PHF21A: variants seen among roughly 807,000 people sequenced by gnomAD.
PHF21A encodes PHD finger protein 21A.
A neutral mutation model predicts 82.5 loss-of-function variants in PHF21A; 11 were observed. The observed-to-expected ratio is 0.13, with a 90% CI of 0.08 to 0.22. The LOEUF (loss-of-function observed/expected upper bound fraction) is 0.22. PHF21A is among the 10% of genes least tolerant of loss of function. The pLI, the probability that PHF21A is intolerant of heterozygous loss-of-function variation, is 1.00. For synonymous variants in PHF21A, 297 were observed against 302.8 expected (o/e 0.98, Z 0.20); for missense variants, 579 against 837.8 (o/e 0.69, Z 3.81).
At chr11:45,935,367 C>A in intron 18 of PHF21A, 2 of 827,040 alleles carry the variant, frequency 2.4e-6, no homozygotes, top group Non-Finnish European at 1.8e-6. Context: ...GTAGCTGTTA[C>A]TTATTCAGCC....
chr11:45,947,099 T>G (rs921657064), intron 14 of PHF21A, among the ~76,000 whole-genome samples: 1 of 152,204 alleles, frequency 6.6e-6, no homozygotes, highest in African/African-American at 2.4e-5. Context: ...GGCCCTCCCA[T>G]CAGCACTCCT....
In PHF21A at chr11:45,964,291, A is replaced by G. The variant is rs1196098932; in HGVS notation, c.996+1024T>C. Among the ~76,000 whole-genome samples the G allele has an allele frequency of 2.0e-5, 3 of 151,720 alleles. No homozygotes were observed. The East Asian group carries it at 5.8e-4, about 29-fold the overall frequency. ...CTGGGGTTTGAATAGGTTCCCCAGGAATTGAGATGTGTTCTTGTGTTTCCT... is the reference window on the plus strand; with the variant it reads ...CTGGGGTTTGAATAGGTTCCCCAGGGATTGAGATGTGTTCTTGTGTTTCCT... On this transcript the variant is annotated intron_variant, in intron 10 of 18. Transcript: ENST00000676320.
chr11:46,026,164 G>A (rs778012953), intron 6 of PHF21A, among the ~76,000 whole-genome samples: 6 of 152,014 alleles, frequency 3.9e-5, no homozygotes, highest in East Asian at 1.9e-4. Context: ...CCAAAACTTC[G>A]TTATATTTGG....
At chr11:46,001,305 CTCTAAGATGT>C (rs1245969279) in intron 6 of PHF21A, among the ~76,000 whole-genome samples, 1 of 150,782 alleles carries the variant, frequency 6.6e-6, no homozygotes, top group Non-Finnish European at 1.5e-5. Context: ...GGAAATGGGG[CTCTAAGATGT>C]TCTGTCACCA....
chr11:46,082,269 C>A (rs1374591093), intron 4 of PHF21A, among the ~76,000 whole-genome samples: 1 of 152,170 alleles, frequency 6.6e-6, no homozygotes, highest in Non-Finnish European at 1.5e-5. Flanking sequence ...ATCTCATTCC[C>A]TAACTGGAAA....
At chr11:46,029,071 A>G (rs183842706) in intron 6 of PHF21A, among the ~76,000 whole-genome samples, 70 of 152,354 alleles carry the variant, frequency 4.6e-4, no homozygotes, top group Non-Finnish European at 8.4e-4. Context: ...TCAAAACAAA[A>G]TGTAGCTTGC....
intron 1 of PHF21A, among the ~76,000 whole-genome samples, chr11:46,094,091 T>C (rs574189166): frequency 4.6e-5 from 7 of 152,286 alleles, no homozygotes; most frequent in East Asian, 3.9e-4. Context: ...ATAAAATATG[T>C]TGAAATTCAA....
intron 10 of PHF21A, among the ~76,000 whole-genome samples, chr11:45,961,200 TCC>T (rs1263158242): frequency 6.6e-6 from 1 of 152,222 alleles, no homozygotes; most frequent in Non-Finnish European, 1.5e-5. Flanking sequence ...AATTTGCAAC[TCC>T]TGTTCTTTTT....
At chr11:46,112,126 A>T (rs985436592) in intron 1 of PHF21A, among the ~76,000 whole-genome samples, 2 of 152,208 alleles carry the variant, frequency 1.3e-5, no homozygotes, top group African/African-American at 2.4e-5. Context: ...ACTAGTCAAA[A>T]TATTCAGTTA....
intron 13 of PHF21A, 133 bp downstream of exon 13, chr11:45,949,269 A>G (rs1037173369): frequency 1.3e-6 from 1 of 763,498 alleles, no homozygotes; most frequent in Non-Finnish European, 2.2e-6. Flanking sequence ...GTCAAAAAAA[A>G]TCTACCACTT....
In PHF21A at chr11:46,051,919, T is replaced by C. The variant is rs549364408; in HGVS notation, c.153+24835A>G. Among the ~76,000 whole-genome samples, 5 of 152,286 alleles carry C rather than the reference T, an allele frequency of 3.3e-5. No homozygotes were observed. The East Asian group carries it at 5.8e-4, about 18-fold the overall frequency. On this transcript the variant is annotated intron_variant, in intron 6 of 18. Transcript: ENST00000676320. ...TTGGAACAGTTAAAATATCCAAAAA[T>C]AGCTTTTCTATCAAGCCTTCTTTCC...
chr11:45,978,729 T>C (rs2094153360), intron 7 of PHF21A, among the ~76,000 whole-genome samples: 1 of 152,232 alleles, frequency 6.6e-6, no homozygotes. Context: ...TAAAGGGATC[T>C]GTGACCTTCA....
chr11:45,966,669 G>C (rs900631589), intron 9 of PHF21A, among the ~76,000 whole-genome samples: 3 of 152,124 alleles, frequency 2.0e-5, no homozygotes, highest in African/African-American at 7.2e-5. Flanking sequence ...TGCCAGGCTG[G>C]AGTGCAGTGG....
intron 17 of PHF21A, among the ~76,000 whole-genome samples, chr11:45,935,976 T>C (rs2088899804): frequency 6.6e-6 from 1 of 152,154 alleles, no homozygotes; most frequent in Non-Finnish European, 1.5e-5. Flanking sequence ...TCTCATTTTC[T>C]TCCCCCAAGA....
chr11:46,016,709 G>T (rs2095524230), intron 6 of PHF21A, among the ~76,000 whole-genome samples: 1 of 151,968 alleles, frequency 6.6e-6, no homozygotes, highest in Non-Finnish European at 1.5e-5. Context: ...AGCACCTTAA[G>T]AACATGGGGA....
At chr11:45,976,293 T>C (rs901861837) in intron 7 of PHF21A, among the ~76,000 whole-genome samples, 1 of 152,216 alleles carries the variant, frequency 6.6e-6, no homozygotes, top group African/African-American at 2.4e-5. Context: ...AAGTACTTTC[T>C]GATCCCTCTA....
intron 8 of PHF21A, chr11:45,970,821 C>T (rs1053803055): frequency 5.9e-6 from 2 of 338,980 alleles, no homozygotes; most frequent in Non-Finnish European, 1.1e-5. Flanking sequence ...GAGAGGGAGA[C>T]ATAAATGAAA....
At chr11:46,049,877 TA>T (rs1240705430) in intron 6 of PHF21A, among the ~76,000 whole-genome samples, 6 of 152,132 alleles carry the variant, frequency 3.9e-5, no homozygotes, top group African/African-American at 1.4e-4. Flanking sequence ...CAGCAAACAG[TA>T]AAAAGCAACA....
intron 6 of PHF21A, among the ~76,000 whole-genome samples, chr11:46,015,246 C>G (rs2095493773): frequency 6.6e-6 from 1 of 152,084 alleles, no homozygotes; most frequent in Non-Finnish European, 1.5e-5. Flanking sequence ...GGATATTAAT[C>G]TTTTGTTGGC....
Sources: gnomAD v4.1 joint callset for allele counts (sites outside exome capture counted in the v4.1 genomes callset) on GRCh38, gnomAD v4.1.1 for gene constraint, MANE v1.5 for transcripts, NCBI Gene and HGNC (gene_info 2026-07-23, HGNC 2026-07-21) for gene names.